PCDHGA4: variants seen among roughly 807,000 people sequenced by gnomAD.
PCDHGA4 encodes protocadherin gamma-A4.
PCDHGA4 carries 38 observed loss-of-function variants against 54.6 expected under a neutral mutation model. That is an observed-to-expected ratio of 0.70 (90% CI 0.54 to 0.91). The LOEUF (loss-of-function observed/expected upper bound fraction) is 0.91, where lower values mean the gene tolerates loss of function less well. Among genes scored for constraint, PCDHGA4 ranks in the 40% least tolerant of loss-of-function variants. The pLI is 0.00. For synonymous variants in PCDHGA4, 511 were observed against 512.9 expected, an observed-to-expected ratio of 1.00 and a Z score of 0.05; for missense variants, 1,298 against 1,220.9, an observed-to-expected ratio of 1.06 and a Z score of -0.94.
chr5:141,468,464 TC>T (rs2099167734), intron 1 of PCDHGA4: 2 of 152,174 alleles, frequency 1.3e-5, no homozygotes, highest in Admixed American at 1.3e-4. Flanking sequence ...GCAAGTTATT[TC>T]TGAGGAGAAT....
At chr5:141,460,483 C>G (rs2098990314) in intron 1 of PCDHGA4, among the ~76,000 whole-genome samples, 1 of 152,046 alleles carries the variant, frequency 6.6e-6, no homozygotes, top group African/African-American at 2.4e-5. Flanking sequence ...ATCCAATTGT[C>G]TCTTTGGAAA....
At position 141,371,437 on chromosome 5, in the gene PCDHGA4, C is replaced by A. The variant is rs1330238991; in HGVS notation, c.2514+13816C>A. 4 of 1,613,962 alleles carry A rather than the reference C, an allele frequency of 2.5e-6. 1 individual carries two copies. The highest frequency in any genetic ancestry group is 1.1e-5 in the South Asian group (1 of 91,078). On this transcript the variant is annotated intron_variant, in intron 1 of 3. Coordinates refer to ENST00000571252, the MANE Select transcript of PCDHGA4 (RefSeq NM_018917.4). ...GAAAATGACAATGCCCCGGAGATAACCCTGGCTTCTGAATCCCAACATATA... is the reference window on the plus strand; with the variant it reads ...GAAAATGACAATGCCCCGGAGATAAACCTGGCTTCTGAATCCCAACATATA...
At chr5:141,379,301 T>C (rs1454001720) in intron 1 of PCDHGA4, 1 of 152,244 alleles carries the variant, frequency 6.6e-6, no homozygotes, top group East Asian at 1.9e-4. Context: ...CAAAGGTATA[T>C]ACCTAAACAA....
chr5:141,393,766 A>G, intron 1 of PCDHGA4: 2 of 1,613,950 alleles, frequency 1.2e-6, no homozygotes. Flanking sequence ...TATGAAATGG[A>G]AATACAAGCC....
At chr5:141,455,394 C>T (rs1034564159) in intron 1 of PCDHGA4, among the ~76,000 whole-genome samples, 2 of 152,004 alleles carry the variant, frequency 1.3e-5, no homozygotes, top group African/African-American at 4.8e-5. Context: ...AAGGAGCTCC[C>T]CCTTACAGAG....
chr5:141,501,328 CACACA>C (rs1562200832), intron 2 of PCDHGA4, among the ~76,000 whole-genome samples: 17 of 151,710 alleles, frequency 1.1e-4, no homozygotes, highest in African/African-American at 1.9e-4. Context: ...CACACACACA[CACACA>C]CCCCAAACTC....
At position 141,489,969 on chromosome 5, in the gene PCDHGA4, A is replaced by C. The variant is rs746202385; in HGVS notation, c.2515-4838A>C. On this transcript the variant is annotated intron_variant, in intron 1 of 3. Coordinates refer to ENST00000571252, the MANE Select transcript of PCDHGA4 (RefSeq NM_018917.4). This position sits in a 1 kb window ranked among gnomAD's most constrained non-coding sequence, Gnocchi z 4.5. The stretch of plus-strand genomic sequence containing the variant: ...TCAATGATAATGCTCCAACCTTCCA[A>C]TCCTCAGTTCTACGTGTGGGAATCC... 4 of 1,614,008 alleles carry C rather than the reference A, an allele frequency of 2.5e-6. No individual in the cohort carries two copies.
intron 1 of PCDHGA4, among the ~76,000 whole-genome samples, chr5:141,449,042 A>G (rs1211970675): frequency 6.6e-6 from 1 of 152,186 alleles, no homozygotes; most frequent in Non-Finnish European, 1.5e-5. Context: ...ATTATTAACC[A>G]GTCTCATAAA....
At chr5:141,382,943 T>G in intron 1 of PCDHGA4, 2 of 1,596,184 alleles carry the variant, frequency 1.3e-6, no homozygotes, top group African/African-American at 1.3e-5. Flanking sequence ...GGATTCTTCC[T>G]GCTCTCCATC....
chr5:141,410,737 C>A, intron 1 of PCDHGA4: 1 of 1,295,554 alleles, frequency 7.7e-7, no homozygotes, highest in East Asian at 2.5e-5. Context: ...TAGCTTTTTA[C>A]AATATTTTCT....
chr5:141,428,040 G>T, intron 1 of PCDHGA4: 1 of 1,608,668 alleles, frequency 6.2e-7, no homozygotes, highest in Non-Finnish European at 8.5e-7. Flanking sequence ...CGGCTACCTG[G>T]TGACCAAGGT....
chr5:141,452,848 G>A (rs1425590240), intron 1 of PCDHGA4, among the ~76,000 whole-genome samples: 9 of 152,128 alleles, frequency 5.9e-5, no homozygotes, highest in Non-Finnish European at 1.0e-4. Flanking sequence ...CCCACACTCT[G>A]GGGAGATGAT....
At chr5:141,469,951 T>G (rs1467717372) in intron 1 of PCDHGA4, among the ~76,000 whole-genome samples, 2 of 152,034 alleles carry the variant, frequency 1.3e-5, no homozygotes, top group African/African-American at 4.8e-5. Context: ...GCCAGCATGG[T>G]GAAACCCCAT....
intron 1 of PCDHGA4, among the ~76,000 whole-genome samples, chr5:141,439,495 C>A (rs142329128): frequency 6.6e-6 from 1 of 152,206 alleles, no homozygotes; most frequent in Non-Finnish European, 1.5e-5. Context: ...CAGTGAGAAA[C>A]GTCTTTCTCT....
chr5:141,446,578 GTGAT>G (rs2098507706), intron 1 of PCDHGA4, among the ~76,000 whole-genome samples: 1 of 152,064 alleles, frequency 6.6e-6, no homozygotes, highest in African/African-American at 2.4e-5. Context: ...CCAGGTTCAA[GTGAT>G]TCTTCTGCCT....
chr5:141,443,820 T>C (rs1329478151), intron 1 of PCDHGA4, among the ~76,000 whole-genome samples: 1 of 151,986 alleles, frequency 6.6e-6, no homozygotes. Flanking sequence ...TTGGAAAACA[T>C]AATTAGGTAA....
At chr5:141,362,623 C>T in intron 1 of PCDHGA4, 1 of 1,521,620 alleles carries the variant, frequency 6.6e-7, no homozygotes, top group Non-Finnish European at 8.8e-7. Flanking sequence ...TAGGAAGTTC[C>T]ACTGCGTATT....
At chr5:141,369,970 G>T (rs1204473207) in intron 1 of PCDHGA4, among the ~76,000 whole-genome samples, 5 of 152,088 alleles carry the variant, frequency 3.3e-5, no homozygotes, top group Non-Finnish European at 7.4e-5. Context: ...ACAAGTAAAA[G>T]GTACTTGATT....
chr5:141,470,842 CA>C (rs1300821457), intron 1 of PCDHGA4, among the ~76,000 whole-genome samples: 2 of 152,044 alleles, frequency 1.3e-5, no homozygotes, highest in African/African-American at 4.8e-5. Flanking sequence ...CACACGCCAC[CA>C]TGCTCAGATA....
Sources: allele counts gnomAD v4.1 joint callset (sites outside exome capture counted in the v4.1 genomes callset), GRCh38; gene constraint gnomAD v4.1.1; non-coding constraint Gnocchi (gnomAD v3.1); transcripts MANE v1.5; gene names NCBI Gene and HGNC (gene_info 2026-07-23, HGNC 2026-07-21).